The following GALNT13 variants were observed in gnomAD, a reference collection of about 807,000 sequenced individuals.
The protein encoded by GALNT13 is polypeptide N-acetylgalactosaminyltransferase 13, also known as UDP-GalNAc:polypeptide N-acetylgalactosaminyltransferase 13.
Under a neutral mutation model 64.2 loss-of-function variants are expected in GALNT13, and 28 were observed. The observed-to-expected ratio is 0.44, with a 90% confidence interval of 0.32 to 0.60. The LOEUF (loss-of-function observed/expected upper bound fraction) is 0.60, where lower values mean the gene tolerates loss of function less well. GALNT13 is among the 20% of genes least tolerant of loss of function. GALNT13 has a pLI of 0.05. For missense variants in GALNT13, 577 were observed against 669.8 expected (o/e 0.86, Z 1.53); for synonymous variants, 214 against 224.6 (o/e 0.95, Z 0.42).
At chr2:153,434,654 TG>T in the GALNT13 span, among the ~76,000 whole-genome samples, 11 of 152,232 alleles carry the variant, frequency 7.2e-5, no homozygotes, top group African/African-American at 2.7e-4. Flanking sequence ...TCGTATACTT[TG>T]CCCACTTTTT....
the GALNT13 span, among the ~76,000 whole-genome samples, chr2:153,134,124 A>ATTAATAACACGCTACAC: frequency 2.6e-5 from 4 of 151,840 alleles, no homozygotes; most frequent in African/African-American, 9.7e-5. Flanking sequence ...AAGATGAAGG[A>ATTAATAACACGCTACAC]AATTGAAAAT....
intron 8 of GALNT13, among the ~76,000 whole-genome samples, chr2:154,287,983 G>C (rs1692372546): frequency 6.6e-6 from 1 of 151,970 alleles, no homozygotes; most frequent in Non-Finnish European, 1.5e-5. Context: ...AACCTGCTTT[G>C]CTTTTATTGG....
chr2:154,265,927 T>A (rs114556864), intron 8 of GALNT13, among the ~76,000 whole-genome samples: 3,085 of 152,342 alleles, frequency 0.02, 78 homozygotes, highest in African/African-American at 0.062. Flanking sequence ...GATTAAGTAG[T>A]GTTCATTGCA....
At chr2:153,465,572 C>G in the GALNT13 span, among the ~76,000 whole-genome samples, 1 of 151,606 alleles carries the variant, frequency 6.6e-6, no homozygotes, top group African/African-American at 2.4e-5. Context: ...ATCCATGAGT[C>G]TGTACCTCAA....
intron 3 of GALNT13, among the ~76,000 whole-genome samples, chr2:154,101,027 G>A (rs1702320444): frequency 6.6e-6 from 1 of 152,060 alleles, no homozygotes; most frequent in African/African-American, 2.4e-5. Context: ...TGTGTATGCT[G>A]AACCACCCTT....
chr2:153,648,296 T>C, the GALNT13 span, among the ~76,000 whole-genome samples: 1 of 152,226 alleles, frequency 6.6e-6, no homozygotes, highest in Non-Finnish European at 1.5e-5. Context: ...AGAATGCTTG[T>C]GATTTTTGCA....
chr2:154,390,092 A>T (rs1232195398), intron 9 of GALNT13, among the ~76,000 whole-genome samples: 1 of 152,212 alleles, frequency 6.6e-6, no homozygotes, highest in Non-Finnish European at 1.5e-5. Context: ...AAAAAATCAT[A>T]AATATCAGTT....
chr2:154,328,244 T>C (rs1355940712), intron 9 of GALNT13, among the ~76,000 whole-genome samples: 2 of 152,114 alleles, frequency 1.3e-5, no homozygotes, highest in African/African-American at 2.4e-5. Flanking sequence ...TTCTTTTGCT[T>C]TCTTTCCTTA....
At chr2:154,030,428 T>C (rs573672765) in intron 3 of GALNT13, among the ~76,000 whole-genome samples, 1 of 152,262 alleles carries the variant, frequency 6.6e-6, no homozygotes, top group South Asian at 2.1e-4. Flanking sequence ...CACTGAAAGT[T>C]ATCATGATGA....
Position 154,450,591 on chromosome 2 carries a change from G to T in GALNT13, c.*40G>T. 2.0e-6 allele frequency: 3 copies of T among 1,480,058 alleles called. No individual in the cohort carries two copies. The highest frequency in any genetic ancestry group is 2.5e-5 in the Admixed American group (1 of 39,920). The allele number at this position is 1,480,058 out of a possible 1,614,324, so 91.7% of individuals were successfully genotyped here. A position where few individuals can be genotyped will look rare whatever the true frequency, so the allele number is the denominator to read the frequency against. On this transcript the variant is annotated 3_prime_UTR_variant, in exon 13 of 13. Transcript: ENST00000392825. ...AAGCCATGAAAGTGTCTACGCTTTT[G>T]TTTTTCCATTATTTCAATTGGGGGA... is the stretch of plus-strand genomic sequence containing the variant.
the GALNT13 span, among the ~76,000 whole-genome samples, chr2:153,195,244 A>G: frequency 0.17 from 25,393 of 152,100 alleles, 2,258 homozygotes; most frequent in African/African-American, 0.18. Flanking sequence ...TCTGTGTCCC[A>G]TGGTGCCTTT....
chr2:153,602,584 A>G, the GALNT13 span, among the ~76,000 whole-genome samples: 6 of 151,986 alleles, frequency 3.9e-5, no homozygotes, highest in South Asian at 1.2e-3. Context: ...TCCTTGGATT[A>G]AGAGAGTTCT....
chr2:154,216,625 CT>C (rs1031708835), intron 4 of GALNT13, among the ~76,000 whole-genome samples: 1 of 151,926 alleles, frequency 6.6e-6, no homozygotes, highest in Non-Finnish European at 1.5e-5. Flanking sequence ...GTTTACTTTT[CT>C]TTGTTCTTAA....
Position 154,450,858 on chromosome 2 carries a change from G to C in GALNT13, c.*307G>C, listed in dbSNP as rs1455662993. On this transcript the variant is annotated 3_prime_UTR_variant, in exon 13 of 13. Coordinates refer to ENST00000392825, the MANE Select transcript of GALNT13 (RefSeq NM_052917.4). ...ACTCATGTCATAGGGTTAATTGGAG[G>C]TTATTTTATTTTTGGTTGTCATGGT... 4.8e-6 allele frequency: 1 copy of C among 207,404 alleles called. No homozygotes were observed. The highest frequency in any genetic ancestry group is 9.7e-6 in the Non-Finnish European group (1 of 103,614). The allele number at this position is 207,404 out of a possible 1,614,324, so 12.8% of individuals were successfully genotyped here.
chr2:153,404,353 A>G, the GALNT13 span, among the ~76,000 whole-genome samples: 21 of 152,198 alleles, frequency 1.4e-4, no homozygotes, highest in Admixed American at 1.4e-3. Flanking sequence ...AGAAATCTTA[A>G]TAACAAAATG....
At chr2:154,454,676 T>C (rs554639963), downstream of GALNT13, 1 of 152,178 alleles carries the variant, frequency 6.6e-6, no homozygotes, top group Admixed American at 6.6e-5. Context: ...ATTAGTATAT[T>C]GATTCTTTAG....
intron 4 of GALNT13, among the ~76,000 whole-genome samples, chr2:154,194,164 G>A (rs1218543986): frequency 1.3e-5 from 2 of 152,142 alleles, no homozygotes; most frequent in African/African-American, 4.8e-5. Flanking sequence ...AAGTTCCAAA[G>A]ATGATTCTGA....
the GALNT13 span, among the ~76,000 whole-genome samples, chr2:153,174,549 C>A: frequency 2.6e-4 from 37 of 142,400 alleles, no homozygotes; most frequent in African/African-American, 9.4e-4. Flanking sequence ...TTAACTATTT[C>A]TTCTTAAATG....
the GALNT13 span, among the ~76,000 whole-genome samples, chr2:153,650,832 C>T: frequency 6.6e-6 from 1 of 152,018 alleles, no homozygotes; most frequent in African/African-American, 2.4e-5. Context: ...TTACTTTAAA[C>T]AAAATGCACA....
Sources: gnomAD v4.1 joint callset for allele counts (sites outside exome capture counted in the v4.1 genomes callset) on GRCh38, gnomAD v4.1.1 for gene constraint, MANE v1.5 for transcripts, NCBI Gene and HGNC (gene_info 2026-07-23, HGNC 2026-07-21) for gene names.